Variants in CXCL13 observed in about 807,000 individuals in gnomAD.
CXCL13 encodes C-X-C motif chemokine 13.
CXCL13 carries 7 observed loss-of-function variants against 12.2 expected under a neutral mutation model. The ratio of observed to expected loss-of-function variants is 0.57; its 90% CI spans 0.33 to 1.07. CXCL13 has a LOEUF of 1.07. Ranked by LOEUF, CXCL13 falls within the 50% of genes least tolerant of loss-of-function variation. The pLI, the probability that CXCL13 is intolerant of heterozygous loss-of-function variation, is 0.04. For missense variants in CXCL13, 113 were observed against 127.4 expected, an observed-to-expected ratio of 0.89 and a Z score of 0.55; for synonymous variants, 47 against 42.4, an observed-to-expected ratio of 1.11 and a Z score of -0.42.
chr4:77,587,441 C>G (rs557837643), intron 1 of CXCL13, among the ~76,000 whole-genome samples: 1 of 152,048 alleles, frequency 6.6e-6, no homozygotes, highest in East Asian at 1.9e-4. Flanking sequence ...TAAGGAGACA[C>G]GTGCAAAAAT....
chr4:77,543,900 C>T (rs1725282661), intron 1 of CXCL13, among the ~76,000 whole-genome samples: 1 of 152,032 alleles, frequency 6.6e-6, no homozygotes, highest in Non-Finnish European at 1.5e-5. Flanking sequence ...CTCACCACTC[C>T]CCCAACCCCA....
At chr4:77,557,681 G>T (rs6812846) in intron 1 of CXCL13, among the ~76,000 whole-genome samples, 1 of 152,160 alleles carries the variant, frequency 6.6e-6, no homozygotes, top group African/African-American at 2.4e-5. Context: ...AGCGGGGCAG[G>T]TCCTGTTATC....
chr4:77,564,918 G>A (rs1027589915), intron 1 of CXCL13, among the ~76,000 whole-genome samples: 1 of 152,154 alleles, frequency 6.6e-6, no homozygotes, highest in African/African-American at 2.4e-5. Context: ...TAGGGTGGGG[G>A]CAACCAAACA....
At chr4:77,541,302 GA>G (rs944215664) in intron 1 of CXCL13, among the ~76,000 whole-genome samples, 2 of 152,096 alleles carry the variant, frequency 1.3e-5, no homozygotes, top group African/African-American at 4.8e-5. Flanking sequence ...AATTGCCTTG[GA>G]GGACTTAGTC....
At chr4:77,525,860 A>G (rs1268130456) in intron 1 of CXCL13, among the ~76,000 whole-genome samples, 1 of 151,810 alleles carries the variant, frequency 6.6e-6, no homozygotes, top group Non-Finnish European at 1.5e-5. Flanking sequence ...ATGGGTGGGG[A>G]AATGAAAATT....
intron 1 of CXCL13, among the ~76,000 whole-genome samples, chr4:77,530,464 G>C (rs977546153): frequency 6.6e-6 from 1 of 152,062 alleles, no homozygotes; most frequent in Non-Finnish European, 1.5e-5. Flanking sequence ...GCCTGTTATT[G>C]TCTATTCAGA....
chr4:77,523,624 C>A (rs754469735), intron 1 of CXCL13, among the ~76,000 whole-genome samples: 2 of 152,120 alleles, frequency 1.3e-5, no homozygotes, highest in Non-Finnish European at 2.9e-5. Flanking sequence ...ACTTTTTTCA[C>A]GGTTTTCAGC....
intron 1 of CXCL13, among the ~76,000 whole-genome samples, chr4:77,528,553 G>T (rs906733908): frequency 2.4e-4 from 37 of 152,218 alleles, no homozygotes; most frequent in South Asian, 8.3e-4. Context: ...TTTTCATGTG[G>T]CTTTTGGCTG....
Position 77,532,197 on chromosome 4 carries a change from T to C in CXCL13, c.-43+20409T>C, listed in dbSNP as rs182479163. ...CAGTGGCTGGTACCAGTTGTTCCTTTCCATGTTTAGTGCTTCCTTCAGTAG... is the reference window on the plus strand; with the variant it reads ...CAGTGGCTGGTACCAGTTGTTCCTTCCCATGTTTAGTGCTTCCTTCAGTAG... On this transcript the variant is annotated intron_variant, in intron 1 of 4. Transcript: ENST00000286758. Among the ~76,000 whole-genome samples, 1,520 of 152,334 alleles carry C rather than the reference T, an allele frequency of 1.0e-2. 13 individuals carry two copies. Among genetic ancestry groups the C allele is most frequent in the Non-Finnish European group, 0.017 (1,160 of 68,036 alleles).
At chr4:77,519,763 G>C (rs1250861731) in intron 1 of CXCL13, among the ~76,000 whole-genome samples, 1 of 152,092 alleles carries the variant, frequency 6.6e-6, no homozygotes, top group Non-Finnish European at 1.5e-5. Flanking sequence ...CATTGCTTTT[G>C]GTGTTTTAGA....
chr4:77,609,223 TTAGA>T (rs1392033524), intron 2 of CXCL13, among the ~76,000 whole-genome samples: 1 of 151,964 alleles, frequency 6.6e-6, no homozygotes, highest in Non-Finnish European at 1.5e-5. Flanking sequence ...AGTTTCAGAG[TTAGA>T]TGGATGGATC....
At chr4:77,532,938 C>G (rs950252451) in intron 1 of CXCL13, among the ~76,000 whole-genome samples, 26 of 151,900 alleles carry the variant, frequency 1.7e-4, no homozygotes, top group African/African-American at 5.8e-4. Flanking sequence ...TGCCATTCAT[C>G]TAATTTTTTT....
chr4:77,544,081 CT>C (rs939204442), intron 1 of CXCL13, among the ~76,000 whole-genome samples: 1 of 152,096 alleles, frequency 6.6e-6, no homozygotes, highest in Non-Finnish European at 1.5e-5. Flanking sequence ...TGAACTCATC[CT>C]TTTTTATGGC....
intron 1 of CXCL13, among the ~76,000 whole-genome samples, chr4:77,580,010 C>A (rs962067491): frequency 6.6e-6 from 1 of 152,058 alleles, no homozygotes; most frequent in Non-Finnish European, 1.5e-5. Flanking sequence ...CTGTGTAAAC[C>A]ACTGATATAG....
chr4:77,539,909 C>T (rs1016206465), intron 1 of CXCL13, among the ~76,000 whole-genome samples: 1 of 152,034 alleles, frequency 6.6e-6, no homozygotes, highest in Admixed American at 6.6e-5. Context: ...TGACTAGCTA[C>T]CTACTGTAAT....
intron 1 of CXCL13, among the ~76,000 whole-genome samples, chr4:77,596,283 T>C (rs1421250652): frequency 1.3e-5 from 2 of 152,148 alleles, no homozygotes; most frequent in Non-Finnish European, 2.9e-5. Flanking sequence ...CTGTATCACC[T>C]CCCACTTGTT....
chr4:77,534,629 T>C (rs1260056090), intron 1 of CXCL13, among the ~76,000 whole-genome samples: 6 of 152,236 alleles, frequency 3.9e-5, no homozygotes, highest in Admixed American at 3.9e-4. Flanking sequence ...TACAATGATC[T>C]AAAAATAAAG....
intron 1 of CXCL13, among the ~76,000 whole-genome samples, chr4:77,559,109 C>T (rs1046380319): frequency 1.3e-5 from 2 of 152,180 alleles, no homozygotes; most frequent in African/African-American, 4.8e-5. Flanking sequence ...CCATCTCACG[C>T]TGGGATTGTA....
chr4:77,519,305 C>T (rs1216833689), intron 1 of CXCL13, among the ~76,000 whole-genome samples: 1 of 152,156 alleles, frequency 6.6e-6, no homozygotes, highest in East Asian at 1.9e-4. Flanking sequence ...CTGGGAGAAC[C>T]ACTGTTCTCT....
Sources: allele counts gnomAD v4.1 joint callset (sites outside exome capture counted in the v4.1 genomes callset), GRCh38; gene constraint gnomAD v4.1.1; transcripts MANE v1.5; gene names NCBI Gene and HGNC (gene_info 2026-07-23, HGNC 2026-07-21).